The following DAOA variants were observed in gnomAD, a reference collection of about 807,000 sequenced individuals.
DAOA encodes D-amino acid oxidase regulator.
A neutral mutation model predicts 16.4 loss-of-function variants in DAOA; 15 were observed. That is an observed-to-expected ratio of 0.91 (90% CI 0.61 to 1.41). The LOEUF (loss-of-function observed/expected upper bound fraction) is 1.41, where lower values mean the gene tolerates loss of function less well. DAOA is among the 40% of genes most tolerant of loss of function. The probability of loss-of-function intolerance (pLI) is 0.00; values close to 1 mark genes in which losing one functional copy is unlikely to be tolerated. For synonymous variants in DAOA, 75 were observed against 59.1 expected (o/e 1.27, Z -1.23); for missense variants, 230 against 176.8 (o/e 1.30, Z -1.71).
At chr13:105,484,309 G>A (rs1877961373) in intron 4 of DAOA, among the ~76,000 whole-genome samples, 1 of 151,904 alleles carries the variant, frequency 6.6e-6, no homozygotes, top group Admixed American at 6.6e-5. Context: ...TGTTACAGCT[G>A]TAACAATTCT....
In DAOA at chr13:105,490,037, C is replaced by T. The variant is rs1878410847; in HGVS notation, c.418C>T (p.Gln140Ter). ...WTCNYNQQKD[Q>*]SCNHKEITST... ...CTGCAACTACAACCAGCAAAAAGAC[C>T]AGTCATGCAACCACAAGGAAATAAC... is the stretch of plus-strand genomic sequence containing the variant. The change falls in exon 5 of 6, where the codon CAG (glutamine) becomes TAG (stop). Residue 140 changes from glutamine (Q) to a stop codon, truncating the protein, a stop_gained. Coordinates refer to ENST00000375936, the MANE Select transcript of DAOA (RefSeq NM_172370.5). LOFTEE classifies it low-confidence loss of function (END_TRUNC). 1 of 1,601,088 alleles carries T rather than the reference C, an allele frequency of 6.2e-7. No homozygotes were observed.
intron 1 of DAOA, 23 bp downstream of exon 1, chr13:105,466,083 C>A: frequency 1.5e-6 from 1 of 673,112 alleles, no homozygotes; most frequent in Non-Finnish European, 2.4e-6. Flanking sequence ...TGGATACATA[C>A]ATAACAGTGA....
intron 4 of DAOA, among the ~76,000 whole-genome samples, chr13:105,475,890 G>A (rs1032266341): frequency 2.0e-5 from 3 of 152,136 alleles, no homozygotes; most frequent in Admixed American, 2.0e-4. Context: ...AAAAATGTCT[G>A]TGTAATGGCT....
At chr13:105,485,898 T>A (rs1878071195) in intron 4 of DAOA, among the ~76,000 whole-genome samples, 1 of 152,174 alleles carries the variant, frequency 6.6e-6, no homozygotes, top group South Asian at 2.1e-4. Flanking sequence ...GAAACCTCCA[T>A]CCCAAACTGG....
At chr13:105,478,316 T>A (rs1877485063) in intron 4 of DAOA, among the ~76,000 whole-genome samples, 1 of 152,256 alleles carries the variant, frequency 6.6e-6, no homozygotes, top group Non-Finnish European at 1.5e-5. Context: ...TGTGGTTTAC[T>A]GGTCTGTACA....
At chr13:105,483,763 A>T (rs1270734085) in intron 4 of DAOA, among the ~76,000 whole-genome samples, 2 of 151,956 alleles carry the variant, frequency 1.3e-5, no homozygotes, top group African/African-American at 4.8e-5. Context: ...AACCTTTGTA[A>T]ATCTTTTCTT....
intron 5 of DAOA, chr13:105,490,602 T>G (rs551839013): frequency 6.6e-6 from 1 of 152,322 alleles, no homozygotes; most frequent in East Asian, 1.9e-4. Context: ...TCCCTACTTT[T>G]ATAATTTCTA....
In DAOA at chr13:105,480,891, C is replaced by T. The variant is rs534861957; in HGVS notation, c.281+8206C>T. Among the ~76,000 whole-genome samples the T allele has an allele frequency of 8.5e-5, 13 of 152,220 alleles. No homozygotes were observed. The South Asian group carries it at 2.5e-3, about 29-fold the overall frequency. ...CAGCTGATGAGACGGCACCTGCCCA[C>T]GGTAAGGAGGGATCTTCCTCACTCA... On this transcript the variant is annotated intron_variant, in intron 4 of 5. Transcript: ENST00000375936.
At chr13:105,466,613 A>T (rs1876533053) in intron 2 of DAOA, among the ~76,000 whole-genome samples, 1 of 152,202 alleles carries the variant, frequency 6.6e-6, no homozygotes. Flanking sequence ...AATCCACAGC[A>T]GGCAGACAGC....
At chr13:105,486,831 G>C (rs754172692) in intron 4 of DAOA, among the ~76,000 whole-genome samples, 1 of 152,048 alleles carries the variant, frequency 6.6e-6, no homozygotes, top group Non-Finnish European at 1.5e-5. Context: ...TGTTGGCCCA[G>C]CTGGTCTCAA....
At chr13:105,484,503 T>C (rs929018842) in intron 4 of DAOA, among the ~76,000 whole-genome samples, 5 of 152,172 alleles carry the variant, frequency 3.3e-5, no homozygotes, top group Non-Finnish European at 5.9e-5. Context: ...CCTTAGTGTT[T>C]TCTATTTTTA....
At chr13:105,475,516 C>A (rs1020735492) in intron 4 of DAOA, among the ~76,000 whole-genome samples, 2 of 152,092 alleles carry the variant, frequency 1.3e-5, no homozygotes, top group Admixed American at 6.6e-5. Flanking sequence ...TTATGAGATC[C>A]TCTAAGCAAA....
Position 105,473,459 on chromosome 13 carries a change from A to G in DAOA, c.281+774A>G, listed in dbSNP as rs1006234330. On this transcript the variant is annotated intron_variant, in intron 4 of 5. Transcript: ENST00000375936. ...ATAGTATAAACATTAAGTTAAAATC[A>G]GTTGCAAAATATTATTTTTTAAAAT... 5.3e-5 allele frequency among the ~76,000 whole-genome samples: 8 copies of G among 152,296 alleles called. No individual in the cohort carries two copies. The East Asian group carries it at 1.5e-3, about 29-fold the overall frequency.
chr13:105,490,157 C>T lies in DAOA; in HGVS notation c.*76C>T, dbSNP rs995108905. 200 of 1,472,834 alleles carry T rather than the reference C, an allele frequency of 1.4e-4. No homozygotes were observed. The African/African-American group carries it at 1.5e-3, about 11-fold the overall frequency. The allele number at this position is 1,472,834 out of a possible 1,614,324, so 91.2% of individuals were successfully genotyped here. On this transcript the variant is annotated 3_prime_UTR_variant, in exon 5 of 6. Coordinates refer to ENST00000375936, the MANE Select transcript of DAOA (RefSeq NM_172370.5). The stretch of plus-strand genomic sequence containing the variant: ...GGCCAACATCTTCACTGGACTCTGA[C>T]GGACTCTGTGTCTGGGACCCAGCTG...
intron 5 of DAOA, 84 bp from the exon 6 acceptor site, chr13:105,490,828 T>C (rs1594123832): frequency 6.6e-6 from 1 of 152,066 alleles, no homozygotes; most frequent in Non-Finnish European, 1.5e-5. Flanking sequence ...TATTTTAAAA[T>C]ACCTACTCAG....
At chr13:105,468,470 G>T (rs2139165514) in intron 3 of DAOA, among the ~76,000 whole-genome samples, 1 of 152,244 alleles carries the variant, frequency 6.6e-6, no homozygotes, top group East Asian at 1.9e-4. Context: ...GACCAAGATT[G>T]ATGATTACTT....
At chr13:105,490,698 T>G (rs944545235) in intron 5 of DAOA, 7 of 152,132 alleles carry the variant, frequency 4.6e-5, no homozygotes, top group Non-Finnish European at 1.0e-4. Flanking sequence ...ATTTCTTATG[T>G]CCTAAGGTTA....
At chr13:105,486,746 G>A (rs576435222) in intron 4 of DAOA, among the ~76,000 whole-genome samples, 1 of 151,962 alleles carries the variant, frequency 6.6e-6, no homozygotes, top group Non-Finnish European at 1.5e-5. Flanking sequence ...AGCCTCCCGA[G>A]TAGCTGGGAT....
chr13:105,472,126 G>T (rs1027357760), intron 3 of DAOA, among the ~76,000 whole-genome samples: 1 of 152,194 alleles, frequency 6.6e-6, no homozygotes, highest in Non-Finnish European at 1.5e-5. Flanking sequence ...GGGAAGGGAC[G>T]AGAGGACTAT....
Sources: gnomAD v4.1 joint callset for allele counts (sites outside exome capture counted in the v4.1 genomes callset) on GRCh38, gnomAD v4.1.1 for gene constraint, MANE v1.5 for transcripts, NCBI Gene and HGNC (gene_info 2026-07-23, HGNC 2026-07-21) for gene names.